Variants in BARX2 observed in about 807,000 individuals in gnomAD.
BARX2 encodes homeobox protein BarH-like 2.
BARX2 carries 11 observed loss-of-function variants against 25.5 expected under a neutral mutation model. The ratio of observed to expected loss-of-function variants is 0.43; its 90% CI spans 0.27 to 0.71. The LOEUF (loss-of-function observed/expected upper bound fraction) is 0.71, where lower values mean the gene tolerates loss of function less well. Ranked by LOEUF, BARX2 falls within the 30% of genes least tolerant of loss-of-function variation. The pLI is 0.19. For missense variants in BARX2, 360 were observed against 359.9 expected (o/e 1.00, Z 0.00); for synonymous variants, 137 against 149.5 (o/e 0.92, Z 0.61).
chr11:129,420,989 A>G (rs1339915195), intron 1 of BARX2, among the ~76,000 whole-genome samples: 1 of 152,110 alleles, frequency 6.6e-6, no homozygotes, highest in Non-Finnish European at 1.5e-5. Context: ...AGCAAGAAAG[A>G]CCTCACTGTG....
At chr11:129,440,136 C>G (rs903530605) in intron 2 of BARX2, among the ~76,000 whole-genome samples, 1 of 152,184 alleles carries the variant, frequency 6.6e-6, no homozygotes, top group African/African-American at 2.4e-5. Flanking sequence ...TCACCCTCCT[C>G]CTCTGTGTTT....
At chr11:129,447,716 C>T (rs754157245) in intron 3 of BARX2, among the ~76,000 whole-genome samples, 1 of 151,906 alleles carries the variant, frequency 6.6e-6, no homozygotes, top group Non-Finnish European at 1.5e-5. Context: ...AGGTGGGGTC[C>T]GTCCAAACCG....
At chr11:129,391,114 T>C (rs7127988) in intron 1 of BARX2, among the ~76,000 whole-genome samples, 10 of 152,008 alleles carry the variant, frequency 6.6e-5, no homozygotes, top group African/African-American at 1.7e-4. Context: ...GAGGGACTCC[T>C]TGCAGTCTCC....
chr11:129,432,614 G>C (rs1862141926), intron 1 of BARX2, among the ~76,000 whole-genome samples: 1 of 152,074 alleles, frequency 6.6e-6, no homozygotes, highest in African/African-American at 2.4e-5. Flanking sequence ...GGGATTTCTA[G>C]ACTGATTTTC....
chr11:129,397,623 C>G (rs557607982), intron 1 of BARX2, among the ~76,000 whole-genome samples: 44 of 152,324 alleles, frequency 2.9e-4, no homozygotes, highest in African/African-American at 1.0e-3. Context: ...GCACCAGGCG[C>G]TATGTGAAGA....
At chr11:129,391,414 C>T (rs1222658175) in intron 1 of BARX2, among the ~76,000 whole-genome samples, 1 of 152,178 alleles carries the variant, frequency 6.6e-6, no homozygotes, top group Non-Finnish European at 1.5e-5. Flanking sequence ...TTGTGACAGA[C>T]ACAGCATGGC....
chr11:129,451,136 G>T lies in BARX2; in HGVS notation c.574G>T (p.Val192Phe), dbSNP rs1035403449. ...CAATAACAATTTTTTACTCACGTAGGTTCTTAAAGGTGGACAGGAAGCACC... is the reference window on the plus strand; with the variant it reads ...CAATAACAATTTTTTACTCACGTAGTTTCTTAAAGGTGGACAGGAAGCACC... ...QNRRMKWKKM[V>F]LKGGQEAPTK... Residue 192 changes from valine (V) to phenylalanine (F), a missense_variant and splice_region_variant, in exon 4 of 4, where the codon GTT becomes TTT. Physicochemically the swap from Val to Phe is conservative, Grantham distance 50 (BLOSUM62 -1). Around this residue, in one of 3 missense-constraint regions of BARX2, gnomAD observed 114 missense variants for 109.4 expected, o/e 1.04. Transcript: ENST00000281437. The T allele has an allele frequency of 9.9e-6, 16 of 1,612,242 alleles. No homozygotes were observed. The highest frequency in any genetic ancestry group is 1.3e-5 in the Non-Finnish European group (15 of 1,178,698).
In BARX2 at chr11:129,376,326, G is replaced by A; in HGVS notation, c.187+104G>A. The stretch of plus-strand genomic sequence containing the variant: ...GGGCGAGAGGAAGGGTTAAGTTAAG[G>A]GATTCTTTTCCTGCGCCTCAGCAAG... On this transcript the variant is annotated intron_variant, in intron 1 of 3. Transcript: ENST00000281437. The surrounding 1 kb of genome is among the most constrained non-coding windows in gnomAD (Gnocchi z 4.2). 3 of 1,168,876 alleles carry A rather than the reference G, an allele frequency of 2.6e-6. No homozygotes were observed. The highest frequency in any genetic ancestry group is 3.1e-5 in the South Asian group (2 of 63,678). The allele number at this position is 1,168,876 out of a possible 1,614,324, so 72.4% of individuals were successfully genotyped here.
At chr11:129,428,596 G>A (rs1332803377) in intron 1 of BARX2, among the ~76,000 whole-genome samples, 1 of 152,214 alleles carries the variant, frequency 6.6e-6, no homozygotes, top group Non-Finnish European at 1.5e-5. Context: ...AGAAAAGACA[G>A]CAAGCAGCTG....
At chr11:129,394,679 A>T (rs1454205880) in intron 1 of BARX2, among the ~76,000 whole-genome samples, 1 of 152,096 alleles carries the variant, frequency 6.6e-6, no homozygotes, top group Non-Finnish European at 1.5e-5. Context: ...AATATTAAAT[A>T]ATTTTAGTTA....
intron 1 of BARX2, among the ~76,000 whole-genome samples, chr11:129,434,426 A>T (rs1591444933): frequency 1.1e-5 from 1 of 90,516 alleles, no homozygotes; most frequent in East Asian, 3.0e-4. Flanking sequence ...GTAAGTAAAA[A>T]AAAAAAAAAA....
intron 1 of BARX2, among the ~76,000 whole-genome samples, chr11:129,392,813 G>T (rs1409536658): frequency 6.6e-6 from 1 of 152,090 alleles, no homozygotes; most frequent in Non-Finnish European, 1.5e-5. Context: ...GTCTTGTCAT[G>T]TTGCCCAGGC....
intron 1 of BARX2, among the ~76,000 whole-genome samples, chr11:129,408,604 G>A (rs1861856188): frequency 6.6e-6 from 1 of 152,072 alleles, no homozygotes; most frequent in South Asian, 2.1e-4. Flanking sequence ...TCCACTCTCT[G>A]GAACACTCTC....
upstream of BARX2, among the ~76,000 whole-genome samples, chr11:129,375,739 G>T (rs1861494482): frequency 6.6e-6 from 1 of 152,062 alleles, no homozygotes; most frequent in South Asian, 2.1e-4. The surrounding 1 kb of genome is among the most constrained non-coding windows in gnomAD (Gnocchi z 4.0). Flanking sequence ...GGCGGGGGCG[G>T]GGTGGGCGCG....
intron 1 of BARX2, among the ~76,000 whole-genome samples, chr11:129,380,093 G>A (rs897715124): frequency 1.3e-5 from 2 of 151,822 alleles, no homozygotes; most frequent in African/African-American, 2.4e-5. Flanking sequence ...TCAGTGCTTC[G>A]TTATAGTTTC....
intron 1 of BARX2, among the ~76,000 whole-genome samples, chr11:129,419,309 A>G (rs1368756634): frequency 5.9e-5 from 9 of 151,784 alleles, no homozygotes; most frequent in Admixed American, 4.6e-4. Context: ...CTTTGTTTGG[A>G]AGTTTGATGT....
At chr11:129,449,331 T>C (rs1034424297) in intron 3 of BARX2, among the ~76,000 whole-genome samples, 76 of 152,310 alleles carry the variant, frequency 5.0e-4, no homozygotes, top group Non-Finnish European at 8.1e-4. Context: ...AGAAGTTAGC[T>C]GGAAGTTTGA....
intron 1 of BARX2, among the ~76,000 whole-genome samples, chr11:129,400,823 C>A (rs927391981): frequency 1.3e-5 from 2 of 152,074 alleles, no homozygotes; most frequent in African/African-American, 4.8e-5. Flanking sequence ...GAGGGACTCC[C>A]AGCATATAAT....
chr11:129,446,421 C>T (rs1247320139), intron 3 of BARX2, among the ~76,000 whole-genome samples: 1 of 152,124 alleles, frequency 6.6e-6, no homozygotes, highest in Non-Finnish European at 1.5e-5. Context: ...CCTCTGTGTG[C>T]CTGTTTCCTC....
Sources: allele counts gnomAD v4.1 joint callset (sites outside exome capture counted in the v4.1 genomes callset), GRCh38; gene constraint gnomAD v4.1.1; regional missense constraint gnomAD v4.1.1; non-coding constraint Gnocchi (gnomAD v3.1); transcripts MANE v1.5; gene names NCBI Gene and HGNC (gene_info 2026-07-23, HGNC 2026-07-21).